MYO9A: variants seen among roughly 807,000 people sequenced by gnomAD.
MYO9A encodes myosin IXA, also known as unconventional myosin-IXa.
In MYO9A, 103 loss-of-function variants were observed where a neutral mutation model predicts 293.3. The ratio of observed to expected loss-of-function variants is 0.35; its 90% CI spans 0.30 to 0.41. MYO9A has a LOEUF of 0.41. Among genes scored for constraint, MYO9A ranks in the 10% least tolerant of loss-of-function variants. MYO9A has a pLI of 1.00. For missense variants in MYO9A, 2,685 were observed against 3,033.0 expected (o/e 0.89, Z 2.69); for synonymous variants, 1,001 against 1,035.7 (o/e 0.97, Z 0.64).
At chr15:71,931,391 T>A (rs1352457342) in intron 18 of MYO9A, among the ~76,000 whole-genome samples, 1 of 152,224 alleles carries the variant, frequency 6.6e-6, no homozygotes. Context: ...GGTTGGCAGG[T>A]CTTTTTTCTC....
intron 15 of MYO9A, among the ~76,000 whole-genome samples, chr15:71,943,666 C>T (rs1347756693): frequency 6.6e-6 from 1 of 152,008 alleles, no homozygotes; most frequent in Non-Finnish European, 1.5e-5. Context: ...ACCAAAGTTG[C>T]CTTATGCCCC....
intron 27 of MYO9A, 127 bp from the exon 28 acceptor site, chr15:71,883,863 A>AAT: frequency 1.2e-6 from 1 of 858,528 alleles, no homozygotes; most frequent in Non-Finnish European, 1.7e-6. Flanking sequence ...ATTTAAATTA[A>AAT]GTGTATTTAT....
At chr15:71,985,114 T>A (rs2076376790) in intron 11 of MYO9A, among the ~76,000 whole-genome samples, 1 of 152,150 alleles carries the variant, frequency 6.6e-6, no homozygotes, top group South Asian at 2.1e-4. Flanking sequence ...AAGATGGGGT[T>A]TCACCATGTT....
intron 1 of MYO9A, among the ~76,000 whole-genome samples, chr15:72,087,581 T>C (rs1001504565): frequency 2.6e-5 from 4 of 152,168 alleles, no homozygotes; most frequent in Admixed American, 1.3e-4. Flanking sequence ...TGGTGCATAG[T>C]AGCCTTGTGC....
chr15:72,021,170 C>T (rs1392404000), intron 4 of MYO9A, among the ~76,000 whole-genome samples, 153 bp from the exon 5 acceptor site: 2 of 152,154 alleles, frequency 1.3e-5, no homozygotes, highest in East Asian at 3.9e-4. Flanking sequence ...TTAAGTACTC[C>T]TAAAAATTGA....
At chr15:71,936,499 C>CA (rs1027453234) in intron 16 of MYO9A, among the ~76,000 whole-genome samples, 3 of 151,836 alleles carry the variant, frequency 2.0e-5, no homozygotes, top group South Asian at 4.2e-4. Flanking sequence ...GTTCCCACCA[C>CA]AAAAAAATGA....
At chr15:71,891,030 A>G (rs2057161460) in intron 26 of MYO9A, 1 of 152,196 alleles carries the variant, frequency 6.6e-6, no homozygotes, top group Non-Finnish European at 1.5e-5. Context: ...AAGATAAATA[A>G]AAAGAGAAAC....
At chr15:71,914,661 G>T (rs1469673777) in intron 19 of MYO9A, among the ~76,000 whole-genome samples, 1 of 152,062 alleles carries the variant, frequency 6.6e-6, no homozygotes, top group South Asian at 2.1e-4. Flanking sequence ...ACTTTCACTT[G>T]TTCTTACTCA....
At chr15:71,968,912 G>T (rs2075943631) in intron 12 of MYO9A, among the ~76,000 whole-genome samples, 1 of 152,146 alleles carries the variant, frequency 6.6e-6, no homozygotes, top group Admixed American at 6.5e-5. Context: ...GTGACATGAG[G>T]TTGTAAAGTT....
chr15:72,092,138 G>A (rs140441838), intron 1 of MYO9A, among the ~76,000 whole-genome samples: 1 of 152,324 alleles, frequency 6.6e-6, no homozygotes, highest in African/African-American at 2.4e-5. Context: ...GCTACTGACA[G>A]AAGCCAAACT....
At chr15:72,032,619 A>AC in intron 2 of MYO9A, 31 bp from the exon 3 acceptor site, 1 of 1,533,986 alleles carries the variant, frequency 6.5e-7, no homozygotes, top group South Asian at 1.2e-5. Flanking sequence ...CATTAGTTTC[A>AC]CTAAAAAAAA....
intron 19 of MYO9A, 71 bp downstream of exon 19, chr15:71,916,299 T>C: frequency 6.5e-7 from 1 of 1,528,844 alleles, no homozygotes; most frequent in Non-Finnish European, 8.8e-7. Context: ...ACCCTGCAGA[T>C]CACTTTAACC....
rs568613553 is a variant in MYO9A, at chr15:72,055,236, T to C, written c.-71-8602A>G. Among the ~76,000 whole-genome samples, 163 of 152,278 alleles carry C rather than the reference T, an allele frequency of 1.1e-3. 5 individuals carry two copies. In the South Asian group the frequency reaches 0.034, roughly 32 times the overall value. On this transcript the variant is annotated intron_variant, in intron 1 of 41. Transcript: ENST00000356056. Reference sequence around the variant, plus strand: ...AGGAGTTCAAGACCAGCCCGGGCAATATACCAAGACCCCATCTCTAAATAA... The same window carrying C: ...AGGAGTTCAAGACCAGCCCGGGCAACATACCAAGACCCCATCTCTAAATAA...
At chr15:72,047,285 A>G (rs990233263) in intron 1 of MYO9A, among the ~76,000 whole-genome samples, 2 of 152,216 alleles carry the variant, frequency 1.3e-5, no homozygotes, top group Non-Finnish European at 2.9e-5. Context: ...CTGACTTGCT[A>G]GGCAAATTTA....
intron 1 of MYO9A, among the ~76,000 whole-genome samples, chr15:72,105,622 C>T (rs890265225): frequency 8.6e-5 from 13 of 151,600 alleles, no homozygotes; most frequent in African/African-American, 2.7e-4. Flanking sequence ...ATTCTCCTGC[C>T]TCAGCCTCCC....
chr15:71,886,997 G>A lies in MYO9A; in HGVS notation c.5255+1007C>T, dbSNP rs149134280. Among the ~76,000 whole-genome samples, 163 of 152,004 alleles carry A rather than the reference G, an allele frequency of 1.1e-3. 2 individuals are homozygous for A. In the East Asian group the frequency reaches 0.021, roughly 20 times the overall value. On this transcript the variant is annotated intron_variant, in intron 27 of 41. Coordinates refer to ENST00000356056, the MANE Select transcript of MYO9A (RefSeq NM_006901.4). ...CAACATAATCTTGTAAGTTTTCTGC[G>A]AGGCCCAAATGCTTATACAACATAA...
At chr15:72,040,619 G>A (rs544488888) in intron 2 of MYO9A, among the ~76,000 whole-genome samples, 1 of 152,166 alleles carries the variant, frequency 6.6e-6, no homozygotes, top group East Asian at 1.9e-4. Flanking sequence ...TTTTTGAGAC[G>A]GAGTCTCGCT....
At chr15:72,023,553 G>A (rs769217558) in intron 4 of MYO9A, among the ~76,000 whole-genome samples, 1 of 151,904 alleles carries the variant, frequency 6.6e-6, no homozygotes, top group African/African-American at 2.4e-5. Flanking sequence ...AAAATAGCTG[G>A]GCATGGTGGC....
rs12593134 is a variant in MYO9A, at chr15:72,010,666, G to C, written c.1156-219C>G. 0.2 allele frequency among the ~76,000 whole-genome samples: 30,673 copies of C among 151,968 alleles called. 3,316 individuals carry two copies. The highest frequency in any genetic ancestry group is 0.41 in the East Asian group (2,113 of 5,166). The stretch of plus-strand genomic sequence containing the variant: ...ACTAAAATACCAATAAGTTACTTTT[G>C]TTCTCCCTTTCACAATCACCAAGAT... On this transcript the variant is annotated intron_variant, in intron 6 of 41. Coordinates refer to ENST00000356056, the MANE Select transcript of MYO9A (RefSeq NM_006901.4).
Sources: gnomAD v4.1 joint callset for allele counts (sites outside exome capture counted in the v4.1 genomes callset) on GRCh38, gnomAD v4.1.1 for gene constraint, MANE v1.5 for transcripts, NCBI Gene and HGNC (gene_info 2026-07-23, HGNC 2026-07-21) for gene names.